Variants in COPZ1 observed in about 807,000 individuals in gnomAD.
COPZ1 encodes coat protein complex I subunit zeta 1.
In COPZ1, 4 loss-of-function variants were observed where a neutral mutation model predicts 31.7. The observed-to-expected ratio is 0.13, with a 90% CI of 0.06 to 0.29. COPZ1 has a LOEUF of 0.29. COPZ1 is among the 10% of genes least tolerant of loss of function. The pLI is 1.00. For synonymous variants in COPZ1, 74 were observed against 79.0 expected, an observed-to-expected ratio of 0.94 and a Z score of 0.33; for missense variants, 156 against 211.5, an observed-to-expected ratio of 0.74 and a Z score of 1.63.
At position 54,340,503 on chromosome 12, in the gene COPZ1, T is replaced by TG. The variant is rs752474660; in HGVS notation, c.19-43dup. On this transcript the variant is annotated intron_variant, in intron 1 of 8. Transcript: ENST00000262061. ...GGGAAGGTATCTGGTTTACCAGTGG[T>TG]GATGGGAGGCTTCAGGACTGAAGGT... is the stretch of plus-strand genomic sequence containing the variant. 1.9e-6 allele frequency: 3 copies of TG among 1,611,640 alleles called. No homozygotes were observed. The African/African-American group carries it at 4.0e-5, about 22-fold the overall frequency.
At chr12:54,349,351 C>T (rs1565598197) in intron 7 of COPZ1, among the ~76,000 whole-genome samples, 1 of 152,124 alleles carries the variant, frequency 6.6e-6, no homozygotes, top group Non-Finnish European at 1.5e-5. Context: ...GATCAGATAA[C>T]CTGCTGGTTA....
Position 54,343,218 on chromosome 12 carries a change from C to G in COPZ1, c.170-7C>G. ...ACCCACTATTTTTACTTTTTTTCCC[C>G]CACCAGGTGAAATTGCCCTCTTGGA... On this transcript the variant is annotated splice_polypyrimidine_tract_variant and splice_region_variant and intron_variant, in intron 3 of 8. Transcript: ENST00000262061. 1 of 1,611,514 alleles carries G rather than the reference C, an allele frequency of 6.2e-7. No individual in the cohort carries two copies. The highest frequency in any genetic ancestry group is 8.5e-7 in the Non-Finnish European group (1 of 1,177,880).
intron 1 of COPZ1, chr12:54,325,444 G>A: frequency 2.0e-6 from 1 of 496,592 alleles, no homozygotes; most frequent in Non-Finnish European, 3.6e-6. Context: ...AGACCTGTAG[G>A]CGTACTGGAT....
At chr12:54,338,892 T>C (rs563752987) in intron 1 of COPZ1, among the ~76,000 whole-genome samples, 1 of 152,376 alleles carries the variant, frequency 6.6e-6, no homozygotes, top group Admixed American at 6.5e-5. Flanking sequence ...GGGTTGATTC[T>C]TTGCATGGAA....
intron 7 of COPZ1, among the ~76,000 whole-genome samples, chr12:54,349,325 C>T (rs925815681): frequency 6.6e-6 from 1 of 152,140 alleles, no homozygotes. Context: ...TCCACCCCCA[C>T]GTTAAGGGAG....
At chr12:54,328,641 A>G (rs896083404) in intron 1 of COPZ1, among the ~76,000 whole-genome samples, 5 of 152,180 alleles carry the variant, frequency 3.3e-5, no homozygotes, top group Non-Finnish European at 5.9e-5. Context: ...TCTTCAGTGA[A>G]GTCTGTTTCA....
At chr12:54,342,398 T>G in intron 3 of COPZ1, 111 bp downstream of exon 3, 1 of 793,290 alleles carries the variant, frequency 1.3e-6, no homozygotes, top group Non-Finnish European at 2.1e-6. Flanking sequence ...TTTCTTTTTT[T>G]TTCCTTCTTC....
At chr12:54,328,398 G>A (rs138136675) in intron 1 of COPZ1, among the ~76,000 whole-genome samples, 2,048 of 151,766 alleles carry the variant, frequency 0.013, 43 homozygotes, top group African/African-American at 0.047. Flanking sequence ...GGTGAAACCC[G>A]GTCTCTGCTA....
At chr12:54,337,634 G>A (rs1440627195) in intron 1 of COPZ1, among the ~76,000 whole-genome samples, 1 of 152,216 alleles carries the variant, frequency 6.6e-6, no homozygotes, top group Non-Finnish European at 1.5e-5. Flanking sequence ...GTCAGGAGGT[G>A]GCAGGAGAAG....
chr12:54,342,315 C>T (rs537807914), intron 3 of COPZ1, 28 bp downstream of exon 3: 34 of 1,529,182 alleles, frequency 2.2e-5, no homozygotes, highest in African/African-American at 1.4e-4. Flanking sequence ...CACTACTACC[C>T]GTGCTGGGGG....
rs1397845848 is a variant in COPZ1, at chr12:54,351,307, T to C, written c.*784T>C. The stretch of plus-strand genomic sequence containing the variant: ...TCTCTGTGTCCTGGAGCAAAGCCAG[T>C]TCCTAAAACTAAAACTCCATTCTAG... On this transcript the variant is annotated 3_prime_UTR_variant, in exon 9 of 9. Transcript: ENST00000262061. 6.6e-6 allele frequency: 1 copy of C among 152,170 alleles called. No individual in the cohort carries two copies. Among genetic ancestry groups the C allele is most frequent in the Non-Finnish European group, 1.5e-5 (1 of 68,050 alleles). 9.4% of individuals were successfully genotyped at this position (152,170 alleles called of 1,614,324 possible). A position where few individuals can be genotyped will look rare whatever the true frequency, so the allele number is the denominator to read the frequency against.
intron 1 of COPZ1, 84 bp from the exon 2 acceptor site, chr12:54,340,463 C>A: frequency 6.3e-7 from 1 of 1,585,470 alleles, no homozygotes; most frequent in East Asian, 2.3e-5. Flanking sequence ...CCCCTTGCAG[C>A]CCCAGTGGGA....
At chr12:54,326,958 ATTCTTTTT>A (rs1953660972) in intron 1 of COPZ1, among the ~76,000 whole-genome samples, 1 of 38,764 alleles carries the variant, frequency 2.6e-5, no homozygotes, top group Non-Finnish European at 5.5e-5. Context: ...GTTAACAAGT[ATTCTTTTT>A]TTTTTTTTTT....
Position 54,350,181 on chromosome 12 carries a change from C to A in COPZ1, c.487-295C>A, listed in dbSNP as rs1954123724. On this transcript the variant is annotated intron_variant, in intron 8 of 8. Coordinates refer to ENST00000262061, the MANE Select transcript of COPZ1 (RefSeq NM_016057.3). ...AAGTCCATCTGGATTTGTTACCCGC[C>A]CCCTGCCCGCCGCCCCTTTTAACAT... The A allele has an allele frequency of 4.1e-5, 28 of 684,260 alleles. 1 individual carries two copies. In the South Asian group the frequency reaches 4.3e-4, roughly 11 times the overall value. The allele number at this position is 684,260 out of a possible 1,614,324, so 42.4% of individuals were successfully genotyped here. A position where few individuals can be genotyped will look rare whatever the true frequency, so the allele number is the denominator to read the frequency against.
At chr12:54,326,938 G>A (rs1196412112) in intron 1 of COPZ1, among the ~76,000 whole-genome samples, 1 of 91,974 alleles carries the variant, frequency 1.1e-5, no homozygotes, top group Non-Finnish European at 2.2e-5. Context: ...AATATTTTCT[G>A]TACCAAGCAG....
At chr12:54,348,661 C>T (rs546891364) in intron 7 of COPZ1, among the ~76,000 whole-genome samples, 43 of 152,084 alleles carry the variant, frequency 2.8e-4, no homozygotes, top group Admixed American at 2.0e-3. Context: ...TGCTTGAGCC[C>T]GGGAGGTGGA....
At chr12:54,345,718 G>C (rs1954049841) in intron 5 of COPZ1, among the ~76,000 whole-genome samples, 2 of 152,076 alleles carry the variant, frequency 1.3e-5, no homozygotes, top group South Asian at 4.1e-4. Flanking sequence ...AGTACTTTGG[G>C]AGGCCAAGGC....
At chr12:54,347,108 G>A (rs537014570) in intron 5 of COPZ1, among the ~76,000 whole-genome samples, 89 of 152,284 alleles carry the variant, frequency 5.8e-4, no homozygotes, top group African/African-American at 2.0e-3. Flanking sequence ...CAGGGTGAAT[G>A]GCTCAGATTT....
intron 3 of COPZ1, 29 bp downstream of exon 3, chr12:54,342,316 G>A (rs773674613): frequency 7.2e-6 from 11 of 1,517,866 alleles, no homozygotes; most frequent in Non-Finnish European, 9.2e-6. Flanking sequence ...ACTACTACCC[G>A]TGCTGGGGGG....
Sources: gnomAD v4.1 joint callset for allele counts (sites outside exome capture counted in the v4.1 genomes callset) on GRCh38, gnomAD v4.1.1 for gene constraint, MANE v1.5 for transcripts, NCBI Gene and HGNC (gene_info 2026-07-23, HGNC 2026-07-21) for gene names.